IKZF1: variants seen among roughly 807,000 people sequenced by gnomAD.
IKZF1 encodes the protein DNA-binding protein Ikaros.
In IKZF1, 10 loss-of-function variants were observed where a neutral mutation model predicts 51.7. The observed-to-expected ratio is 0.19, with a 90% CI of 0.12 to 0.33. IKZF1 has a LOEUF of 0.33. IKZF1 is among the 10% of genes least tolerant of loss of function. IKZF1 has a pLI of 1.00. For synonymous variants in IKZF1, 280 were observed against 282.3 expected, an observed-to-expected ratio of 0.99 and a Z score of 0.08; for missense variants, 484 against 707.5, an observed-to-expected ratio of 0.68 and a Z score of 3.58.
chr7:50,391,293 C>T (rs541275396), intron 6 of IKZF1, among the ~76,000 whole-genome samples: 29 of 152,304 alleles, frequency 1.9e-4, no homozygotes, highest in African/African-American at 6.7e-4. Context: ...TTTGTATCTC[C>T]GTTCACTGTG....
chr7:50,333,363 A>G (rs1796836661), intron 3 of IKZF1, among the ~76,000 whole-genome samples: 1 of 151,758 alleles, frequency 6.6e-6, no homozygotes, highest in Non-Finnish European at 1.5e-5. Context: ...TGGTGGTAAC[A>G]GTCCTCTACA....
chr7:50,385,731 C>G (rs566956571), intron 5 of IKZF1, among the ~76,000 whole-genome samples: 57 of 152,306 alleles, frequency 3.7e-4, no homozygotes, highest in African/African-American at 1.3e-3. Context: ...GAAGTGACAG[C>G]TTTTTCAGGA....
At position 50,355,305 on chromosome 7, in the gene IKZF1, G is replaced by T. The variant is rs1185657129; in HGVS notation, c.161-21228G>T. 3.9e-5 allele frequency among the ~76,000 whole-genome samples: 6 copies of T among 152,218 alleles called. No homozygotes were observed. In the East Asian group the frequency reaches 1.2e-3, roughly 29 times the overall value. On this transcript the variant is annotated intron_variant, in intron 3 of 7. Coordinates refer to ENST00000331340, the MANE Select transcript of IKZF1 (RefSeq NM_006060.6). ...GTCCTGGGTGCACTCGGATGATCCT[G>T]CCTAGCCAGCTGGATTGCAGAGTGG...
At chr7:50,392,830 T>A (rs1815550983) in intron 7 of IKZF1, among the ~76,000 whole-genome samples, 1 of 152,072 alleles carries the variant, frequency 6.6e-6, no homozygotes, top group Non-Finnish European at 1.5e-5. Context: ...ATGTTTAAAA[T>A]CAATGAGAAA....
intron 1 of IKZF1, among the ~76,000 whole-genome samples, chr7:50,314,040 G>T (rs1370659887): frequency 1.3e-5 from 2 of 152,228 alleles, no homozygotes; most frequent in Non-Finnish European, 1.5e-5. Flanking sequence ...AGTGGAGAAG[G>T]AAGGCATTTG....
chr7:50,339,044 T>C (rs2153412178), intron 3 of IKZF1, among the ~76,000 whole-genome samples: 1 of 152,350 alleles, frequency 6.6e-6, no homozygotes, highest in African/African-American at 2.4e-5. Flanking sequence ...GCTTGAAGTC[T>C]ACCGTGGTTG....
chr7:50,389,813 C>A (rs538893709), intron 6 of IKZF1, among the ~76,000 whole-genome samples: 1 of 152,174 alleles, frequency 6.6e-6, no homozygotes, highest in South Asian at 2.1e-4. Context: ...TGTGCTGTAC[C>A]CGGATGAGTG....
At chr7:50,317,241 A>G (rs948369839) in intron 1 of IKZF1, among the ~76,000 whole-genome samples, 1 of 152,216 alleles carries the variant, frequency 6.6e-6, no homozygotes, top group African/African-American at 2.4e-5. Context: ...TGCTTCACCA[A>G]TCAATACAGA....
chr7:50,363,931 T>A (rs1806024654), intron 3 of IKZF1, among the ~76,000 whole-genome samples: 1 of 152,226 alleles, frequency 6.6e-6, no homozygotes, highest in Non-Finnish European at 1.5e-5. Flanking sequence ...TTTGGAGGCA[T>A]TGCCAAGGTA....
intron 1 of IKZF1, among the ~76,000 whole-genome samples, chr7:50,310,047 A>G (rs777601766): frequency 2.0e-5 from 3 of 152,352 alleles, no homozygotes; most frequent in Middle Eastern, 3.4e-3. Context: ...AAAGAGATTC[A>G]CTGCAAAAAC....
chr7:50,312,856 G>T (rs1790535723), intron 1 of IKZF1, among the ~76,000 whole-genome samples: 1 of 152,122 alleles, frequency 6.6e-6, no homozygotes, highest in South Asian at 2.1e-4. Flanking sequence ...GGGGGAGGGT[G>T]GTGTGAAAGC....
intron 3 of IKZF1, among the ~76,000 whole-genome samples, chr7:50,363,488 C>T (rs1805881856): frequency 6.6e-6 from 1 of 152,128 alleles, no homozygotes; most frequent in Admixed American, 6.5e-5. Flanking sequence ...AGGAGTTACC[C>T]AGTGCCCTGG....
chr7:50,368,600 G>A, intron 3 of IKZF1: 1 of 464,516 alleles, frequency 2.2e-6, no homozygotes, highest in Non-Finnish European at 3.8e-6. Flanking sequence ...TTCCTGCTTG[G>A]TGCCCGCAGG....
At chr7:50,363,375 G>C (rs1045312253) in intron 3 of IKZF1, among the ~76,000 whole-genome samples, 3 of 152,136 alleles carry the variant, frequency 2.0e-5, no homozygotes, top group African/African-American at 7.2e-5. Context: ...TGTGACCCTT[G>C]ACATCTGAAA....
chr7:50,371,940 A>G (rs1808803055), intron 3 of IKZF1, among the ~76,000 whole-genome samples: 1 of 152,146 alleles, frequency 6.6e-6, no homozygotes, highest in Non-Finnish European at 1.5e-5. Context: ...AACCCCAGAA[A>G]CCTTTTTCAC....
chr7:50,366,351 G>A (rs944161236), intron 3 of IKZF1, among the ~76,000 whole-genome samples: 1 of 152,200 alleles, frequency 6.6e-6, no homozygotes, highest in African/African-American at 2.4e-5. Flanking sequence ...ACAGAATTCG[G>A]TGTTTCAAGG....
chr7:50,393,529 G>C (rs1815807092), intron 7 of IKZF1, among the ~76,000 whole-genome samples: 1 of 152,162 alleles, frequency 6.6e-6, no homozygotes, highest in Non-Finnish European at 1.5e-5. Flanking sequence ...ATTAATTAGA[G>C]GTTTGTCATA....
At chr7:50,380,371 G>C (rs77452955) in intron 4 of IKZF1, among the ~76,000 whole-genome samples, 1 of 152,230 alleles carries the variant, frequency 6.6e-6, no homozygotes, top group Non-Finnish European at 1.5e-5. Context: ...CTCTGCAGAA[G>C]GGCATGTGTC....
chr7:50,321,307 T>C (rs188958987), intron 2 of IKZF1, among the ~76,000 whole-genome samples: 7 of 152,244 alleles, frequency 4.6e-5, no homozygotes, highest in African/African-American at 1.7e-4. Flanking sequence ...ACGAGTTAAA[T>C]GGGAAAAAAA....
Sources: allele counts gnomAD v4.1 joint callset (sites outside exome capture counted in the v4.1 genomes callset), GRCh38; gene constraint gnomAD v4.1.1; transcripts MANE v1.5; gene names NCBI Gene and HGNC (gene_info 2026-07-23, HGNC 2026-07-21).